CCDC170: variants seen among roughly 807,000 people sequenced by gnomAD.
CCDC170 encodes coiled-coil domain containing 170, also known as coiled-coil domain-containing protein 170.
CCDC170 carries 69 observed loss-of-function variants against 72.6 expected under a neutral mutation model. The observed-to-expected ratio is 0.95, with a 90% confidence interval of 0.78 to 1.16. The LOEUF (loss-of-function observed/expected upper bound fraction) is 1.16. Among genes scored for constraint, CCDC170 ranks in the 50% most tolerant of loss-of-function variants. CCDC170 has a pLI of 0.00. For missense variants in CCDC170, 852 were observed against 832.5 expected (o/e 1.02, Z -0.29); for synonymous variants, 300 against 303.9 (o/e 0.99, Z 0.13).
At chr6:151,602,455 A>T (rs1056762171) in intron 9 of CCDC170, among the ~76,000 whole-genome samples, 5 of 152,224 alleles carry the variant, frequency 3.3e-5, no homozygotes, top group Non-Finnish European at 7.3e-5. Flanking sequence ...AATGTGATAG[A>T]TTATTTTACT....
rs118157419 is a variant in CCDC170, at chr6:151,526,898, T to A, written c.58-9420T>A. Among the ~76,000 whole-genome samples, 1,443 of 152,036 alleles carry A rather than the reference T, an allele frequency of 9.5e-3. 21 individuals are homozygous for A. The highest frequency in any genetic ancestry group is 0.041 in the Middle Eastern group (12 of 294). On this transcript the variant is annotated intron_variant, in intron 1 of 10. Transcript: ENST00000239374. ...ACAAGGATGTTGAATTAGAAGAATT[T>A]TTTTTGAGACAGGGTCTCACTCTGT...
intron 1 of CCDC170, among the ~76,000 whole-genome samples, chr6:151,520,325 A>G (rs185740694): frequency 1.3e-5 from 2 of 152,232 alleles, no homozygotes; most frequent in African/African-American, 4.8e-5. Flanking sequence ...ATCGGCAAAG[A>G]TGTACAGACA....
intron 1 of CCDC170, among the ~76,000 whole-genome samples, chr6:151,523,161 C>T (rs980855592): frequency 6.6e-6 from 1 of 152,112 alleles, no homozygotes; most frequent in African/African-American, 2.4e-5. Context: ...GGCTCTGTTG[C>T]TCTCAGGAGT....
intron 3 of CCDC170, among the ~76,000 whole-genome samples, chr6:151,539,839 A>T (rs545331689): frequency 7.2e-5 from 11 of 152,282 alleles, no homozygotes; most frequent in African/African-American, 1.9e-4. Context: ...TCCTCATCTC[A>T]TGTGATCATA....
At chr6:151,518,388 G>A (rs1159486547) in intron 1 of CCDC170, among the ~76,000 whole-genome samples, 2 of 152,208 alleles carry the variant, frequency 1.3e-5, no homozygotes, top group South Asian at 4.2e-4. Context: ...CAAATGTGAG[G>A]ACTAAGATGT....
At chr6:151,594,258 G>C (rs1003775428) in intron 8 of CCDC170, among the ~76,000 whole-genome samples, 1 of 152,096 alleles carries the variant, frequency 6.6e-6, no homozygotes, top group African/African-American at 2.4e-5. Flanking sequence ...CTCCCAATTC[G>C]GTTCCATCAA....
chr6:151,538,284 G>A lies in CCDC170; in HGVS notation c.426G>A (p.Glu142=), dbSNP rs78000318. The A allele has an allele frequency of 8.1e-4, 1,310 of 1,613,082 alleles. 13 individuals carry two copies. The African/African-American group carries it at 0.014, about 17-fold the overall frequency. The part of the protein sequence containing the change: ...ENQELKKKVV[E]LNEKLQKCSK... ...AGGAATTAAAGAAGAAAGTTGTAGA[G>A]TTAAATGAAAAATTACAGTAAGGAT... The change falls in exon 3 of 11, where the codon GAG becomes GAA. Residue 142 remains glutamate, a synonymous_variant. Coordinates refer to ENST00000239374, the MANE Select transcript of CCDC170 (RefSeq NM_025059.4).
At chr6:151,563,556 A>G (rs1776080728) in intron 5 of CCDC170, among the ~76,000 whole-genome samples, 1 of 152,180 alleles carries the variant, frequency 6.6e-6, no homozygotes, top group East Asian at 1.9e-4. Flanking sequence ...CTAGTGGTAC[A>G]GTGACTCAAG....
chr6:151,586,564 G>A (rs958677772), intron 7 of CCDC170, among the ~76,000 whole-genome samples: 8 of 151,986 alleles, frequency 5.3e-5, no homozygotes, highest in African/African-American at 1.7e-4. Context: ...AGGGGAAACA[G>A]TTTGAAGAAA....
chr6:151,598,779 C>G (rs2115122965), intron 9 of CCDC170, among the ~76,000 whole-genome samples: 1 of 152,302 alleles, frequency 6.6e-6, no homozygotes, highest in South Asian at 2.1e-4. Flanking sequence ...GCTGCAAATA[C>G]CATCTGCTCT....
At chr6:151,509,218 CTA>C (rs1782110223) in intron 1 of CCDC170, among the ~76,000 whole-genome samples, 2 of 113,834 alleles carry the variant, frequency 1.8e-5, no homozygotes, top group African/African-American at 8.6e-5. Flanking sequence ...ATCTATCTAT[CTA>C]TGTATCTATC....
intron 9 of CCDC170, among the ~76,000 whole-genome samples, chr6:151,609,826 C>T (rs1036704669): frequency 6.6e-6 from 1 of 152,196 alleles, no homozygotes; most frequent in Non-Finnish European, 1.5e-5. Flanking sequence ...CTTGTTCTTG[C>T]TTCCTGGGAA....
chr6:151,564,310 A>C (rs1562283723), intron 5 of CCDC170, among the ~76,000 whole-genome samples: 1 of 152,114 alleles, frequency 6.6e-6, no homozygotes, highest in Non-Finnish European at 1.5e-5. Flanking sequence ...TCAAGAGCTT[A>C]GGGTGTGGTT....
At chr6:151,574,670 A>G (rs949061010) in intron 6 of CCDC170, among the ~76,000 whole-genome samples, 2 of 152,226 alleles carry the variant, frequency 1.3e-5, no homozygotes, top group African/African-American at 4.8e-5. Flanking sequence ...ATTTTGGGTC[A>G]GGATTTGCTG....
chr6:151,587,817 T>G (rs1336931860), intron 7 of CCDC170, among the ~76,000 whole-genome samples: 1 of 152,170 alleles, frequency 6.6e-6, no homozygotes, highest in Non-Finnish European at 1.5e-5. Flanking sequence ...GGTATAAAAT[T>G]TAACAGAAAC....
At chr6:151,557,644 C>T (rs1164671999) in intron 5 of CCDC170, among the ~76,000 whole-genome samples, 2 of 152,144 alleles carry the variant, frequency 1.3e-5, no homozygotes, top group Admixed American at 6.5e-5. Context: ...TACAAATTTA[C>T]ATTCCCACCA....
intron 5 of CCDC170, among the ~76,000 whole-genome samples, chr6:151,572,707 T>G (rs1229645267): frequency 6.8e-6 from 1 of 146,172 alleles, no homozygotes; most frequent in Admixed American, 7.0e-5. Flanking sequence ...TGGAGTACAG[T>G]GGAGTGATCT....
chr6:151,576,949 A>C (rs938273747), intron 6 of CCDC170, among the ~76,000 whole-genome samples: 1 of 151,898 alleles, frequency 6.6e-6, no homozygotes, highest in African/African-American at 2.4e-5. Flanking sequence ...TGCTTCCCGA[A>C]CGTTGCTTGT....
intron 8 of CCDC170, among the ~76,000 whole-genome samples, chr6:151,593,878 C>A (rs1024383895): frequency 6.6e-5 from 10 of 152,118 alleles, no homozygotes; most frequent in African/African-American, 7.2e-5. Flanking sequence ...GGGAGGCTTG[C>A]AAATGTAGGC....
Sources: allele counts gnomAD v4.1 joint callset (sites outside exome capture counted in the v4.1 genomes callset), GRCh38; gene constraint gnomAD v4.1.1; transcripts MANE v1.5; gene names NCBI Gene and HGNC (gene_info 2026-07-23, HGNC 2026-07-21).